LRMDA: variants seen among roughly 807,000 people sequenced by gnomAD.
The protein encoded by LRMDA is leucine-rich melanocyte differentiation-associated protein.
Under a neutral mutation model 29.8 loss-of-function variants are expected in LRMDA, and 18 were observed. That is an observed-to-expected ratio of 0.60 (90% CI 0.42 to 0.90). LRMDA has a LOEUF of 0.90. Ranked by LOEUF, LRMDA falls within the 40% of genes least tolerant of loss-of-function variation. LRMDA has a pLI of 0.00. For synonymous variants in LRMDA, 125 were observed against 109.4 expected, an observed-to-expected ratio of 1.14 and a Z score of -0.89; for missense variants, 273 against 273.9, an observed-to-expected ratio of 1.00 and a Z score of 0.02.
At chr10:75,989,499 AC>A (rs1006987428) in intron 2 of LRMDA, among the ~76,000 whole-genome samples, 1 of 151,966 alleles carries the variant, frequency 6.6e-6, no homozygotes, top group Non-Finnish European at 1.5e-5. Flanking sequence ...ATGAGAAACC[AC>A]CCCCATGATC....
At chr10:76,386,676 T>A (rs2132478399) in intron 6 of LRMDA, among the ~76,000 whole-genome samples, 1 of 152,312 alleles carries the variant, frequency 6.6e-6, no homozygotes, top group East Asian at 1.9e-4. Context: ...TTGTCAAAAA[T>A]GTTAAACTAA....
At chr10:76,424,226 C>T (rs1237485624) in intron 6 of LRMDA, among the ~76,000 whole-genome samples, 1 of 152,112 alleles carries the variant, frequency 6.6e-6, no homozygotes, top group African/African-American at 2.4e-5. Context: ...ACAATCACAC[C>T]TTACTTAGTA....
chr10:76,080,789 G>A (rs1349524273), intron 5 of LRMDA, among the ~76,000 whole-genome samples: 1 of 152,134 alleles, frequency 6.6e-6, no homozygotes, highest in African/African-American at 2.4e-5. Flanking sequence ...TGTGCCCAGG[G>A]CACCATTTGT....
intron 2 of LRMDA, among the ~76,000 whole-genome samples, chr10:75,634,936 A>G (rs78036084): frequency 6.6e-6 from 1 of 152,220 alleles, no homozygotes; most frequent in Non-Finnish European, 1.5e-5. Context: ...AAAGAAGATG[A>G]AAAAAGGATG....
At chr10:76,528,232 T>A (rs1010696888) in intron 6 of LRMDA, among the ~76,000 whole-genome samples, 1 of 152,162 alleles carries the variant, frequency 6.6e-6, no homozygotes, top group Non-Finnish European at 1.5e-5. Context: ...ACTATAGTAA[T>A]GTTTGTAACA....
intron 2 of LRMDA, among the ~76,000 whole-genome samples, chr10:75,703,075 C>T (rs781162096): frequency 6.6e-6 from 1 of 152,142 alleles, no homozygotes; most frequent in Non-Finnish European, 1.5e-5. Context: ...CAGATAAGCT[C>T]GGCTCTGTTT....
At chr10:76,242,031 G>A (rs188881407) in intron 5 of LRMDA, 4 of 152,256 alleles carry the variant, frequency 2.6e-5, no homozygotes, top group African/African-American at 9.6e-5. Context: ...AAGAGACAGA[G>A]TATTGTTATG....
intron 2 of LRMDA, among the ~76,000 whole-genome samples, chr10:75,839,506 G>A (rs1029085378): frequency 6.6e-6 from 1 of 151,828 alleles, no homozygotes; most frequent in Non-Finnish European, 1.5e-5. Flanking sequence ...TATCAGCCTT[G>A]GGGCACAGCT....
At chr10:75,883,931 G>A (rs1244884916) in intron 2 of LRMDA, among the ~76,000 whole-genome samples, 1 of 151,688 alleles carries the variant, frequency 6.6e-6, no homozygotes, top group Non-Finnish European at 1.5e-5. Flanking sequence ...TCACTGTAGT[G>A]CAAAGCCCTG....
At chr10:76,011,859 T>C (rs1400028385) in intron 2 of LRMDA, among the ~76,000 whole-genome samples, 1 of 152,202 alleles carries the variant, frequency 6.6e-6, no homozygotes, top group Non-Finnish European at 1.5e-5. Context: ...GGCACATCCC[T>C]GACTTCCCAT....
chr10:75,586,566 C>G (rs889444021), intron 2 of LRMDA, among the ~76,000 whole-genome samples: 4 of 151,854 alleles, frequency 2.6e-5, no homozygotes, highest in African/African-American at 4.8e-5. Flanking sequence ...CCGTGTTGTC[C>G]TGAGCTCAAG....
intron 6 of LRMDA, among the ~76,000 whole-genome samples, chr10:76,396,291 A>C (rs1309217439): frequency 2.6e-5 from 4 of 152,232 alleles, no homozygotes; most frequent in Admixed American, 2.6e-4. Context: ...GTTGGCATCC[A>C]AATATTCAAC....
chr10:75,677,560 G>T (rs533649375), intron 2 of LRMDA, among the ~76,000 whole-genome samples: 59 of 152,134 alleles, frequency 3.9e-4, no homozygotes, highest in Non-Finnish European at 3.7e-4. Context: ...TGTGTGGAAA[G>T]AGCAGATATG....
intron 6 of LRMDA, among the ~76,000 whole-genome samples, chr10:76,406,981 C>T (rs982625604): frequency 2.6e-5 from 4 of 152,116 alleles, no homozygotes; most frequent in South Asian, 2.1e-4. Context: ...CAGAATCTGC[C>T]CATTCGTGCA....
intron 5 of LRMDA, among the ~76,000 whole-genome samples, chr10:76,301,777 T>C (rs2573556): frequency 0.65 from 98,539 of 152,060 alleles, 34,229 homozygotes; most frequent in Non-Finnish European, 0.8. Context: ...CTATATGGGA[T>C]AATAAAAATG....
At position 75,945,320 on chromosome 10, in the gene LRMDA, G is replaced by C. The variant is rs146456673; in HGVS notation, c.132-90688G>C. On this transcript the variant is annotated intron_variant, in intron 2 of 6. Transcript: ENST00000611255. ...ATCTTCCCAGCATATGTGCAGTTTA[G>C]GGTCATCTCAGGATTTAGTTGTAGG... Among the ~76,000 whole-genome samples the C allele has an allele frequency of 5.9e-3, 904 of 152,300 alleles. 8 individuals carry two copies. The highest frequency in any genetic ancestry group is 0.02 in the African/African-American group (845 of 41,562).
At chr10:75,786,790 C>T (rs1843479175) in intron 2 of LRMDA, among the ~76,000 whole-genome samples, 1 of 152,104 alleles carries the variant, frequency 6.6e-6, no homozygotes, top group South Asian at 2.1e-4. Flanking sequence ...TTTTAGGTTA[C>T]AGCATCTTTA....
At chr10:75,592,306 C>T (rs1840732929) in intron 2 of LRMDA, among the ~76,000 whole-genome samples, 1 of 152,206 alleles carries the variant, frequency 6.6e-6, no homozygotes, top group African/African-American at 2.4e-5. Context: ...GATTTCTACC[C>T]TAGACGCGTG....
At chr10:76,129,169 A>G (rs191927289) in intron 5 of LRMDA, among the ~76,000 whole-genome samples, 5 of 152,192 alleles carry the variant, frequency 3.3e-5, no homozygotes, top group Admixed American at 2.6e-4. Flanking sequence ...GGGCCATCCA[A>G]TTGACAAGTG....
Sources: gnomAD v4.1 joint callset for allele counts (sites outside exome capture counted in the v4.1 genomes callset) on GRCh38, gnomAD v4.1.1 for gene constraint, MANE v1.5 for transcripts, NCBI Gene and HGNC (gene_info 2026-07-23, HGNC 2026-07-21) for gene names.